AFF3: variants seen among roughly 807,000 people sequenced by gnomAD.
The protein encoded by AFF3 is ALF transcription elongation factor 3, also known as AF4/FMR2 family member 3.
A neutral mutation model predicts 129.7 loss-of-function variants in AFF3; 32 were observed. The observed-to-expected ratio is 0.25, with a 90% CI of 0.19 to 0.33. AFF3 has a LOEUF of 0.33. Ranked by LOEUF, AFF3 falls within the 10% of genes least tolerant of loss-of-function variation. AFF3 has a pLI of 1.00. For synonymous variants in AFF3, 644 were observed against 635.4 expected, an observed-to-expected ratio of 1.01 and a Z score of -0.20; for missense variants, 1,373 against 1,592.0, an observed-to-expected ratio of 0.86 and a Z score of 2.34.
intron 12 of AFF3, among the ~76,000 whole-genome samples, chr2:99,668,912 C>A (rs1397907662): frequency 6.6e-6 from 1 of 152,084 alleles, no homozygotes; most frequent in African/African-American, 2.4e-5. Context: ...GCAGGGGACC[C>A]TTCTTAATTC....
At chr2:100,046,998 A>G (rs895205275) in intron 4 of AFF3, among the ~76,000 whole-genome samples, 1 of 130,702 alleles carries the variant, frequency 7.7e-6, no homozygotes, top group African/African-American at 2.9e-5. Context: ...TAATGACTTT[A>G]AGAGTAAGAC....
chr2:100,016,463 GGTGGTA>G (rs1683085942), intron 4 of AFF3, among the ~76,000 whole-genome samples: 2 of 151,174 alleles, frequency 1.3e-5, no homozygotes, highest in African/African-American at 4.9e-5. Flanking sequence ...TGGTGATGGT[GGTGGTA>G]ATGGTGTTGG....
intron 7 of AFF3, among the ~76,000 whole-genome samples, chr2:99,969,309 C>T (rs72819157): frequency 0.19 from 28,887 of 152,062 alleles, 3,607 homozygotes; most frequent in African/African-American, 0.35. Flanking sequence ...TTGAACAAAA[C>T]GTACTCACTG....
chr2:99,994,844 A>G (rs1044687028), intron 7 of AFF3, among the ~76,000 whole-genome samples: 11 of 152,134 alleles, frequency 7.2e-5, no homozygotes, highest in African/African-American at 2.7e-4. Context: ...AACCAGTGAA[A>G]GTAGGGTTCA....
intron 7 of AFF3, among the ~76,000 whole-genome samples, chr2:99,997,674 C>T (rs1680978150): frequency 6.6e-6 from 1 of 152,164 alleles, no homozygotes; most frequent in Non-Finnish European, 1.5e-5. Context: ...GCTTGGCAGG[C>T]CTTGCAAGAC....
chr2:99,780,297 G>A lies in AFF3; in HGVS notation c.922-27996C>T, dbSNP rs192278690. Among the ~76,000 whole-genome samples, 12 of 152,230 alleles carry A rather than the reference G, an allele frequency of 7.9e-5. No homozygotes were observed. The East Asian group carries it at 1.7e-3, about 22-fold the overall frequency. ...AGTTTCCCGCCTACTGAACCTCTCA[G>A]CGCTCTGTCTGAGTAAATAATTCTC... On this transcript the variant is annotated intron_variant, in intron 8 of 24. Coordinates refer to ENST00000672756, the MANE Select transcript of AFF3 (RefSeq NM_001386135.1).
intron 8 of AFF3, among the ~76,000 whole-genome samples, chr2:99,815,719 T>TC: frequency 6.6e-6 from 1 of 151,622 alleles, no homozygotes; most frequent in Non-Finnish European, 1.5e-5. Context: ...TTTTTTTTTT[T>TC]CCTCTTTCAG....
chr2:99,703,645 CT>C (rs35535652), intron 11 of AFF3, among the ~76,000 whole-genome samples: 3,629 of 146,970 alleles, frequency 0.025, 123 homozygotes, highest in African/African-American at 0.082. Flanking sequence ...TCATTTCTCT[CT>C]TTTTTTTTTT....
chr2:100,018,071 A>G (rs1683286069), intron 4 of AFF3, among the ~76,000 whole-genome samples: 1 of 151,952 alleles, frequency 6.6e-6, no homozygotes, highest in African/African-American at 2.4e-5. Flanking sequence ...ATTCTTCTAA[A>G]ACCTATAAAA....
chr2:99,858,122 C>T (rs57108463), intron 7 of AFF3, among the ~76,000 whole-genome samples: 24,126 of 152,092 alleles, frequency 0.16, 2,091 homozygotes, highest in Admixed American at 0.24. Flanking sequence ...AAGGACATGC[C>T]CCAGGTAGCA....
chr2:99,665,070 G>A (rs762264723), intron 12 of AFF3, among the ~76,000 whole-genome samples: 4 of 152,234 alleles, frequency 2.6e-5, no homozygotes, highest in Non-Finnish European at 4.4e-5. Context: ...TCAGCTTCCT[G>A]CAGGAGCTGG....
chr2:99,733,093 A>G (rs1480023622), intron 10 of AFF3, among the ~76,000 whole-genome samples: 1 of 151,918 alleles, frequency 6.6e-6, no homozygotes, highest in Admixed American at 6.6e-5. Flanking sequence ...ACATATATAA[A>G]ACTTGGCCGG....
At chr2:100,042,321 C>T (rs1005885811) in intron 4 of AFF3, among the ~76,000 whole-genome samples, 10 of 152,182 alleles carry the variant, frequency 6.6e-5, no homozygotes, top group African/African-American at 2.2e-4. Context: ...TTATGCGCCC[C>T]GCACTCACTT....
chr2:100,070,505 C>T (rs1688090639), intron 4 of AFF3, among the ~76,000 whole-genome samples: 1 of 152,146 alleles, frequency 6.6e-6, no homozygotes, highest in Non-Finnish European at 1.5e-5. Flanking sequence ...CTGTGATTCT[C>T]CTGAATTATT....
At chr2:99,905,943 A>G (rs1694687173) in intron 7 of AFF3, among the ~76,000 whole-genome samples, 1 of 152,138 alleles carries the variant, frequency 6.6e-6, no homozygotes. Flanking sequence ...GTGTTTGATA[A>G]ATACGCTGAT....
intron 7 of AFF3, among the ~76,000 whole-genome samples, chr2:99,895,634 C>T (rs779807300): frequency 1.4e-4 from 22 of 152,030 alleles, no homozygotes; most frequent in Non-Finnish European, 2.9e-4. Context: ...CCACAGTGAG[C>T]GTCCGGGCTA....
chr2:99,874,100 C>G (rs919715811), intron 7 of AFF3, among the ~76,000 whole-genome samples: 1 of 152,110 alleles, frequency 6.6e-6, no homozygotes, highest in Admixed American at 6.5e-5. Context: ...TAGCGTGAAC[C>G]CGGGAGGTGG....
At chr2:99,935,057 A>C (rs565723819) in intron 7 of AFF3, among the ~76,000 whole-genome samples, 61 of 152,358 alleles carry the variant, frequency 4.0e-4, no homozygotes, top group African/African-American at 1.4e-3. Flanking sequence ...ATGTGTGTTT[A>C]TGAGCCTCTT....
At chr2:99,628,788 T>A (rs2105369808) in intron 13 of AFF3, among the ~76,000 whole-genome samples, 1 of 144,660 alleles carries the variant, frequency 6.9e-6, no homozygotes, top group Non-Finnish European at 1.5e-5. Context: ...TGGCACAATC[T>A]TGGCTCGCTG....
Sources: gnomAD v4.1 joint callset for allele counts (sites outside exome capture counted in the v4.1 genomes callset) on GRCh38, gnomAD v4.1.1 for gene constraint, MANE v1.5 for transcripts, NCBI Gene and HGNC (gene_info 2026-07-23, HGNC 2026-07-21) for gene names.